The following ITPR2 variants were observed in gnomAD, a reference collection of about 807,000 sequenced individuals.
ITPR2 encodes inositol 1,4,5-trisphosphate-gated calcium channel ITPR2.
In ITPR2, 207 loss-of-function variants were observed where a neutral mutation model predicts 317.1. The observed-to-expected ratio is 0.65, with a 90% CI of 0.58 to 0.73. ITPR2 has a LOEUF of 0.73. Ranked by LOEUF, ITPR2 falls within the 30% of genes least tolerant of loss-of-function variation. The pLI is 0.00. For missense variants in ITPR2, 2,613 were observed against 3,284.0 expected (o/e 0.80, Z 4.99); for synonymous variants, 1,156 against 1,149.1 (o/e 1.01, Z -0.12).
intron 46 of ITPR2, among the ~76,000 whole-genome samples, chr12:26,442,594 T>C (rs900288352): frequency 5.9e-5 from 9 of 152,182 alleles, no homozygotes; most frequent in African/African-American, 2.2e-4. Flanking sequence ...CATGGTTTGA[T>C]GACCTATTTC....
chr12:26,481,136 G>A lies in ITPR2; in HGVS notation c.6118C>T (p.Leu2040=). 29 of 1,596,676 alleles carry A rather than the reference G, an allele frequency of 1.8e-5. No individual in the cohort carries two copies. The highest frequency in any genetic ancestry group is 2.5e-5 in the Non-Finnish European group (29 of 1,164,298). The change falls in exon 43 of 57, where the codon CTA becomes TTA. Residue 2040 remains leucine (L), a synonymous_variant. Transcript: ENST00000381340. ...GKYRMDLVLQ[L]KNNASKLLLA... Reference sequence around the variant, plus strand: ...GAACAGTGGAATCGCTCTACCTTTAGCTGGAGCACCAGGTCCATTCGGTAT... The same window carrying A: ...GAACAGTGGAATCGCTCTACCTTTAACTGGAGCACCAGGTCCATTCGGTAT...
chr12:26,628,542 G>A (rs1946675524), intron 22 of ITPR2, among the ~76,000 whole-genome samples: 1 of 152,204 alleles, frequency 6.6e-6, no homozygotes, highest in Non-Finnish European at 1.5e-5. Context: ...TTCTTACACA[G>A]TAGGGCAATA....
intron 15 of ITPR2, among the ~76,000 whole-genome samples, chr12:26,661,016 T>G (rs1158858456): frequency 6.6e-6 from 1 of 151,778 alleles, no homozygotes; most frequent in Non-Finnish European, 1.5e-5. Context: ...ATCAGAAAGC[T>G]GCTTTATGCT....
rs1478367660 is a variant in ITPR2, at chr12:26,696,564, C to T, written c.952-914G>A. Among the ~76,000 whole-genome samples the T allele has an allele frequency of 2.0e-5, 3 of 151,766 alleles. No homozygotes were observed. In the East Asian group the frequency reaches 5.8e-4, roughly 29 times the overall value. ...GGTTCTGAAAAAAACAAAAGCAAAG[C>T]AAAATGAAAGCAAAAAAAATCCCAA... is the stretch of plus-strand genomic sequence containing the variant. On this transcript the variant is annotated intron_variant, in intron 9 of 56. Transcript: ENST00000381340.
intron 26 of ITPR2, among the ~76,000 whole-genome samples, chr12:26,607,345 T>G (rs1430310887): frequency 6.6e-6 from 1 of 152,252 alleles, no homozygotes; most frequent in African/African-American, 2.4e-5. Context: ...CTTTTATATT[T>G]GATTCGCCAA....
intron 32 of ITPR2, among the ~76,000 whole-genome samples, chr12:26,586,248 G>C (rs562809158): frequency 3.9e-5 from 6 of 152,026 alleles, no homozygotes; most frequent in Admixed American, 1.3e-4. Flanking sequence ...GGGCTCAGGG[G>C]ATCCTCTTCC....
At chr12:26,650,288 G>A (rs1298601769) in intron 21 of ITPR2, among the ~76,000 whole-genome samples, 3 of 152,184 alleles carry the variant, frequency 2.0e-5, no homozygotes, top group African/African-American at 7.2e-5. Context: ...ATGGTGAGGA[G>A]GTGGGAGAAG....
intron 26 of ITPR2, among the ~76,000 whole-genome samples, chr12:26,617,721 A>AAGGAG (rs1565644027): frequency 1.2e-3 from 128 of 105,986 alleles, no homozygotes; most frequent in South Asian, 3.9e-3. Context: ...GGAGGGAAGG[A>AAGGAG]GGAAGGGAGG....
chr12:26,336,485 A>G lies in ITPR2; in HGVS notation c.*2912T>C, dbSNP rs1264464631. The stretch of plus-strand genomic sequence containing the variant: ...AAGAAAATAAGCTTATTTCTAACTT[A>G]ATTTTTTAAGGGGTAGAAAATATGA... On this transcript the variant is annotated 3_prime_UTR_variant, in exon 57 of 57. Coordinates refer to ENST00000381340, the MANE Select transcript of ITPR2 (RefSeq NM_002223.4). 4 of 152,104 alleles carry G rather than the reference A, an allele frequency of 2.6e-5. No homozygotes were observed. The South Asian group carries it at 8.3e-4, about 31-fold the overall frequency. The allele number at this position is 152,104 out of a possible 1,614,324, so 9.4% of individuals were successfully genotyped here.
chr12:26,520,713 T>C (rs1943640020), intron 37 of ITPR2, among the ~76,000 whole-genome samples: 1 of 152,238 alleles, frequency 6.6e-6, no homozygotes, highest in Admixed American at 6.5e-5. Flanking sequence ...CAATTCTTCA[T>C]ATTAAATTTT....
intron 32 of ITPR2, among the ~76,000 whole-genome samples, chr12:26,584,315 A>G (rs11048593): frequency 0.066 from 10,109 of 152,064 alleles, 443 homozygotes; most frequent in Middle Eastern, 0.14. Context: ...GAGCAAGTAA[A>G]ATGTTGTCTC....
intron 45 of ITPR2, among the ~76,000 whole-genome samples, chr12:26,471,451 G>A (rs558073402): frequency 6.6e-6 from 1 of 152,250 alleles, no homozygotes; most frequent in East Asian, 1.9e-4. Context: ...GTCAAAAAGT[G>A]CACATAGTTG....
chr12:26,537,445 G>A (rs192747822), intron 37 of ITPR2, among the ~76,000 whole-genome samples: 331 of 152,262 alleles, frequency 2.2e-3, no homozygotes, highest in Non-Finnish European at 3.4e-3. Flanking sequence ...ATTACTGCCC[G>A]GTTATTGCTT....
chr12:26,625,866 G>T (rs1478416242), intron 23 of ITPR2, among the ~76,000 whole-genome samples: 2 of 151,908 alleles, frequency 1.3e-5, no homozygotes, highest in Non-Finnish European at 2.9e-5. Context: ...GTGGGAAAGG[G>T]CATTTTTTTT....
intron 2 of ITPR2, among the ~76,000 whole-genome samples, chr12:26,747,532 T>G (rs1444071375): frequency 1.3e-5 from 2 of 152,244 alleles, no homozygotes; most frequent in East Asian, 3.8e-4. Flanking sequence ...ATGTTACTCA[T>G]GCAAATGTTA....
chr12:26,503,629 G>A (rs1943122355), intron 37 of ITPR2, among the ~76,000 whole-genome samples: 1 of 152,138 alleles, frequency 6.6e-6, no homozygotes, highest in Admixed American at 6.6e-5. Flanking sequence ...CCACTTATTG[G>A]CTTTGTGATC....
chr12:26,532,186 A>G (rs16930943), intron 37 of ITPR2, among the ~76,000 whole-genome samples: 89,400 of 152,010 alleles, frequency 0.59, 29,385 homozygotes, highest in Non-Finnish European at 0.76. Flanking sequence ...CTATATCACG[A>G]GCTAAAAGCA....
At chr12:26,686,664 A>G in intron 10 of ITPR2, 32 bp from the exon 11 acceptor site, 1 of 1,573,838 alleles carries the variant, frequency 6.4e-7, no homozygotes, top group African/African-American at 1.4e-5. Context: ...ATTTACTTTT[A>G]TCACGTTTCT....
chr12:26,665,854 C>T, intron 14 of ITPR2, 56 bp downstream of exon 14: 5 of 1,490,932 alleles, frequency 3.4e-6, no homozygotes, highest in Non-Finnish European at 4.6e-6. Flanking sequence ...AAGGCCTTTC[C>T]TGATACTGTA....
Sources: gnomAD v4.1 joint callset for allele counts (sites outside exome capture counted in the v4.1 genomes callset) on GRCh38, gnomAD v4.1.1 for gene constraint, MANE v1.5 for transcripts, NCBI Gene and HGNC (gene_info 2026-07-23, HGNC 2026-07-21) for gene names.